CFAP95: variants seen among roughly 807,000 people sequenced by gnomAD.
CFAP95 encodes the protein cilia- and flagella-associated protein 95.
the CFAP95 span, chr9:69,905,944 T>G: frequency 6.7e-7 from 1 of 1,498,484 alleles, no homozygotes; most frequent in Non-Finnish European, 8.9e-7. Flanking sequence ...TTCTCTTTTT[T>G]CCCCCATAGG....
At chr9:69,856,799 G>T in the CFAP95 span, 1 of 527,114 alleles carries the variant, frequency 1.9e-6, no homozygotes, top group Non-Finnish European at 3.4e-6. Context: ...TTTGTCTCAA[G>T]CTTCCATGCT....
At chr9:69,882,191 A>C in the CFAP95 span, among the ~76,000 whole-genome samples, 1 of 152,096 alleles carries the variant, frequency 6.6e-6, no homozygotes, top group Non-Finnish European at 1.5e-5. Flanking sequence ...CATGTTGCCC[A>C]GGCTGGTCTT....
chr9:69,856,681 T>G, the CFAP95 span: 1 of 1,568,710 alleles, frequency 6.4e-7, no homozygotes, highest in Non-Finnish European at 8.7e-7. Context: ...AAGGTATTCT[T>G]AATACTTTTC....
At chr9:69,823,498 G>A in the CFAP95 span, among the ~76,000 whole-genome samples, 1 of 152,142 alleles carries the variant, frequency 6.6e-6, no homozygotes, top group Non-Finnish European at 1.5e-5. Flanking sequence ...TGACTGCTCT[G>A]GGCCTGTTTC....
the CFAP95 span, among the ~76,000 whole-genome samples, chr9:69,840,741 A>G: frequency 2.0e-5 from 3 of 152,168 alleles, no homozygotes; most frequent in East Asian, 1.9e-4. Flanking sequence ...ATTTTTAAAC[A>G]TGTATATTTC....
At chr9:69,902,068 A>G in the CFAP95 span, among the ~76,000 whole-genome samples, 1 of 152,220 alleles carries the variant, frequency 6.6e-6, no homozygotes, top group African/African-American at 2.4e-5. Flanking sequence ...GCTAATATCC[A>G]GAATCTACAA....
At chr9:69,831,823 G>C in the CFAP95 span, among the ~76,000 whole-genome samples, 1 of 152,078 alleles carries the variant, frequency 6.6e-6, no homozygotes. Flanking sequence ...GGCATTTTTT[G>C]TTGCGTAATG....
At chr9:69,902,846 G>C in the CFAP95 span, among the ~76,000 whole-genome samples, 1 of 152,046 alleles carries the variant, frequency 6.6e-6, no homozygotes, top group South Asian at 2.1e-4. Context: ...CTGATTCCTA[G>C]TTGTATGCTT....
the CFAP95 span, among the ~76,000 whole-genome samples, chr9:69,858,878 G>T: frequency 6.6e-6 from 1 of 152,014 alleles, no homozygotes; most frequent in South Asian, 2.1e-4. Context: ...TACTACAAAA[G>T]AAAAAGGTCT....
the CFAP95 span, among the ~76,000 whole-genome samples, chr9:69,855,022 A>T: frequency 1.1e-4 from 16 of 152,346 alleles, no homozygotes; most frequent in South Asian, 3.3e-3. Flanking sequence ...CCACACGTTT[A>T]TAAAGAGATC....
chr9:69,831,442 T>TA, the CFAP95 span, among the ~76,000 whole-genome samples: 5 of 152,032 alleles, frequency 3.3e-5, no homozygotes, highest in East Asian at 9.7e-4. Context: ...TCTTTTTTTT[T>TA]AATTGCATTT....
the CFAP95 span, among the ~76,000 whole-genome samples, chr9:69,858,962 G>C: frequency 6.6e-6 from 1 of 152,152 alleles, no homozygotes; most frequent in African/African-American, 2.4e-5. Flanking sequence ...TTATAAGCAT[G>C]AACAAATTCT....
At chr9:69,867,792 T>A in the CFAP95 span, among the ~76,000 whole-genome samples, 1 of 152,170 alleles carries the variant, frequency 6.6e-6, no homozygotes, top group Non-Finnish European at 1.5e-5. Flanking sequence ...GTTTGACAGC[T>A]CCAGTGAAGC....
chr9:69,884,548 A>T, the CFAP95 span: 1 of 152,196 alleles, frequency 6.6e-6, no homozygotes, highest in Non-Finnish European at 1.5e-5. Flanking sequence ...TGGACACCCC[A>T]TAGGCATACA....
the CFAP95 span, chr9:69,886,910 C>T: frequency 6.3e-5 from 101 of 1,599,890 alleles, no homozygotes; most frequent in Non-Finnish European, 8.6e-5. Context: ...GTACAAGAAC[C>T]GTAGTCTTCT....
At chr9:69,891,737 C>T in the CFAP95 span, among the ~76,000 whole-genome samples, 1 of 152,004 alleles carries the variant, frequency 6.6e-6, no homozygotes, top group African/African-American at 2.4e-5. Flanking sequence ...CCCATCTTTT[C>T]TCCCCTCTTT....
chr9:69,878,826 G>A, the CFAP95 span, among the ~76,000 whole-genome samples: 3 of 152,318 alleles, frequency 2.0e-5, no homozygotes, highest in Non-Finnish European at 2.9e-5. Context: ...AGTTCTACAG[G>A]CTTTATAGGA....
the CFAP95 span, among the ~76,000 whole-genome samples, chr9:69,875,403 C>G: frequency 2.0e-5 from 3 of 152,214 alleles, no homozygotes; most frequent in East Asian, 5.8e-4. Flanking sequence ...ATCTATATCT[C>G]TTTATATTCT....
At chr9:69,847,925 A>T in the CFAP95 span, among the ~76,000 whole-genome samples, 2 of 152,222 alleles carry the variant, frequency 1.3e-5, no homozygotes, top group Non-Finnish European at 2.9e-5. Flanking sequence ...CTAAGAACAG[A>T]ACAATAGCCT....
Sources: allele counts gnomAD v4.1 joint callset (sites outside exome capture counted in the v4.1 genomes callset), GRCh38; gene constraint gnomAD v4.1.1; transcripts MANE v1.5; gene names NCBI Gene and HGNC (gene_info 2026-07-23, HGNC 2026-07-21).